ANO6: variants seen among roughly 807,000 people sequenced by gnomAD.
The protein encoded by ANO6 is anoctamin 6.
Under a neutral mutation model 117.5 loss-of-function variants are expected in ANO6, and 106 were observed. That is an observed-to-expected ratio of 0.90 (90% CI 0.77 to 1.06). ANO6 has a LOEUF of 1.06. Ranked by LOEUF, ANO6 falls within the 50% of genes least tolerant of loss-of-function variation. ANO6 has a pLI of 0.00. For missense variants in ANO6, 955 were observed against 1,121.1 expected, an observed-to-expected ratio of 0.85 and a Z score of 2.12; for synonymous variants, 367 against 385.1, an observed-to-expected ratio of 0.95 and a Z score of 0.55.
chr12:45,237,204 C>T (rs200313793), intron 1 of ANO6, among the ~76,000 whole-genome samples: 3,335 of 152,212 alleles, frequency 0.022, 62 homozygotes, highest in East Asian at 0.069. Flanking sequence ...TAGTTTCTTT[C>T]ACTGTGCAGA....
At chr12:45,242,831 AT>A (rs1420449448) in intron 1 of ANO6, among the ~76,000 whole-genome samples, 3 of 152,126 alleles carry the variant, frequency 2.0e-5, no homozygotes, top group African/African-American at 7.2e-5. Context: ...AAAGCTTACA[AT>A]TTTTCACATA....
At chr12:45,266,195 A>C (rs1938209351) in intron 1 of ANO6, among the ~76,000 whole-genome samples, 2 of 152,194 alleles carry the variant, frequency 1.3e-5, no homozygotes, top group African/African-American at 4.8e-5. Flanking sequence ...AAATCTTTGC[A>C]AGTTAAAGAC....
intron 1 of ANO6, among the ~76,000 whole-genome samples, chr12:45,254,762 T>C (rs1340381567): frequency 6.6e-6 from 1 of 152,228 alleles, no homozygotes; most frequent in African/African-American, 2.4e-5. Context: ...TATGTAAGAT[T>C]ATACCTACTT....
chr12:45,319,105 A>T (rs1330838074), intron 2 of ANO6, among the ~76,000 whole-genome samples: 1 of 152,092 alleles, frequency 6.6e-6, no homozygotes, highest in African/African-American at 2.4e-5. Flanking sequence ...AATGTCCTTT[A>T]TTTCTTTCTC....
chr12:45,315,514 A>G (rs891221581), intron 2 of ANO6, among the ~76,000 whole-genome samples: 3 of 151,912 alleles, frequency 2.0e-5, no homozygotes, highest in African/African-American at 4.8e-5. Flanking sequence ...TTCCTGCCCT[A>G]TGTCACCCAA....
At chr12:45,244,994 G>A (rs10880764) in intron 1 of ANO6, among the ~76,000 whole-genome samples, 119,941 of 152,104 alleles carry the variant, frequency 0.79, 49,908 homozygotes, top group Non-Finnish European at 0.93. Context: ...CCATGGAAGG[G>A]ACCCCTTAAC....
At chr12:45,229,240 G>A (rs1947535368) in intron 1 of ANO6, among the ~76,000 whole-genome samples, 1 of 152,134 alleles carries the variant, frequency 6.6e-6, no homozygotes, top group South Asian at 2.1e-4. Context: ...CAAGGGTGTG[G>A]ACAGGCACCC....
At chr12:45,306,859 T>C (rs1592943143) in intron 2 of ANO6, among the ~76,000 whole-genome samples, 1 of 151,890 alleles carries the variant, frequency 6.6e-6, no homozygotes, top group African/African-American at 2.4e-5. Context: ...CAGTTTTAAA[T>C]AGGGTGTTTA....
chr12:45,306,898 GAA>G, intron 2 of ANO6, among the ~76,000 whole-genome samples: 1 of 152,044 alleles, frequency 6.6e-6, no homozygotes, highest in Admixed American at 6.6e-5. Context: ...AGTTCCAAGT[GAA>G]AAAACCTCAA....
intron 1 of ANO6, among the ~76,000 whole-genome samples, chr12:45,287,850 C>T (rs1475376890): frequency 2.0e-5 from 3 of 152,184 alleles, no homozygotes; most frequent in African/African-American, 7.2e-5. Flanking sequence ...TATTAAAGAT[C>T]ACCTGACATC....
intron 1 of ANO6, among the ~76,000 whole-genome samples, chr12:45,277,945 T>TA (rs1307343720): frequency 1.3e-5 from 2 of 152,082 alleles, no homozygotes; most frequent in African/African-American, 2.4e-5. Context: ...TTTTTTAAGT[T>TA]AAAAAAATTA....
At chr12:45,308,679 T>A (rs1338215246) in intron 2 of ANO6, among the ~76,000 whole-genome samples, 1 of 151,738 alleles carries the variant, frequency 6.6e-6, no homozygotes, top group Non-Finnish European at 1.5e-5. Flanking sequence ...ATTTGGAGAG[T>A]GAGAGAGTAG....
chr12:45,404,100 C>T (rs757011049), intron 15 of ANO6, among the ~76,000 whole-genome samples: 10 of 152,112 alleles, frequency 6.6e-5, no homozygotes, highest in Non-Finnish European at 1.5e-4. Flanking sequence ...CTGTAGGATT[C>T]AAATCCAGGA....
chr12:45,411,024 T>C (rs990204731), intron 16 of ANO6, among the ~76,000 whole-genome samples: 1 of 152,218 alleles, frequency 6.6e-6, no homozygotes, highest in African/African-American at 2.4e-5. Context: ...ATTCTGCTGA[T>C]TTTCAGAAGG....
chr12:45,343,559 CA>C (rs146002481), intron 3 of ANO6, among the ~76,000 whole-genome samples: 57 of 152,336 alleles, frequency 3.7e-4, no homozygotes, highest in East Asian at 2.5e-3. Flanking sequence ...TTTGGTCTAA[CA>C]CGTTTTCCCT....
At chr12:45,270,190 C>T (rs1286113041) in intron 1 of ANO6, among the ~76,000 whole-genome samples, 1 of 152,204 alleles carries the variant, frequency 6.6e-6, no homozygotes, top group Non-Finnish European at 1.5e-5. Context: ...GAGGTCCCAC[C>T]ACCTGAAACG....
intron 1 of ANO6, chr12:45,256,821 T>C (rs1191319094): frequency 2.0e-5 from 3 of 152,198 alleles, no homozygotes; most frequent in East Asian, 1.9e-4. Flanking sequence ...ACTGAAGATA[T>C]ATTAATGTAT....
intron 1 of ANO6, among the ~76,000 whole-genome samples, chr12:45,298,328 A>C (rs1486543757): frequency 2.0e-5 from 3 of 152,244 alleles, no homozygotes; most frequent in African/African-American, 7.2e-5. Context: ...GATTTATATA[A>C]GGAAAGAAAT....
rs1406467778 is a variant in ANO6, at chr12:45,421,281, C to G, written c.2420+8C>G. On this transcript the variant is annotated splice_region_variant and intron_variant, in intron 18 of 19. Coordinates refer to ENST00000320560, the MANE Select transcript of ANO6 (RefSeq NM_001025356.3). The stretch of plus-strand genomic sequence containing the variant: ...TAACCATACCACATGCAGGCAAGTT[C>G]TGCTTTACTTGTTTAAAAATGCACT... 1 of 1,613,390 alleles carries G rather than the reference C, an allele frequency of 6.2e-7. No homozygotes were observed. The highest frequency in any genetic ancestry group is 1.7e-5 in the Admixed American group (1 of 59,958).
Sources: gnomAD v4.1 joint callset for allele counts (sites outside exome capture counted in the v4.1 genomes callset) on GRCh38, gnomAD v4.1.1 for gene constraint, MANE v1.5 for transcripts, NCBI Gene and HGNC (gene_info 2026-07-23, HGNC 2026-07-21) for gene names.